The following LRP5 variants were observed in gnomAD, a reference collection of about 807,000 sequenced individuals.
LRP5 encodes the protein LDL receptor related protein 5, also known as low-density lipoprotein receptor-related protein 5.
LRP5 carries 62 observed loss-of-function variants against 154.1 expected under a neutral mutation model. That is an observed-to-expected ratio of 0.40 (90% CI 0.33 to 0.50). LRP5 has a LOEUF of 0.50. Among genes scored for constraint, LRP5 ranks in the 20% least tolerant of loss-of-function variants. LRP5 has a pLI of 0.55. For missense variants in LRP5, 1,915 were observed against 2,336.7 expected (o/e 0.82, Z 3.72); for synonymous variants, 966 against 1,011.5 (o/e 0.96, Z 0.85).
chr11:68,383,294 A>G (rs2153150924), intron 5 of LRP5, among the ~76,000 whole-genome samples: 1 of 152,258 alleles, frequency 6.6e-6, no homozygotes, highest in South Asian at 2.1e-4. Flanking sequence ...TGGGGCCATG[A>G]TGGACACACT....
chr11:68,315,256 C>T (rs1483857339), intron 1 of LRP5, among the ~76,000 whole-genome samples: 1 of 152,244 alleles, frequency 6.6e-6, no homozygotes, highest in East Asian at 1.9e-4. Context: ...CCTGGCAGAG[C>T]TGCAGTGAGC....
At chr11:68,439,206 G>T (rs1447816427) in intron 20 of LRP5, among the ~76,000 whole-genome samples, 1 of 152,208 alleles carries the variant, frequency 6.6e-6, no homozygotes, top group Non-Finnish European at 1.5e-5. Context: ...GGTGACCATG[G>T]TATGTCTAAG....
chr11:68,448,256 C>T (rs1166635409), intron 22 of LRP5, among the ~76,000 whole-genome samples: 1 of 152,206 alleles, frequency 6.6e-6, no homozygotes, highest in Non-Finnish European at 1.5e-5. Flanking sequence ...GTCCCTCCCA[C>T]AGCACGTGGG....
Position 68,374,700 on chromosome 11 carries a change from A to C in LRP5, c.1015+8998A>C, listed in dbSNP as rs575810166. Among the ~76,000 whole-genome samples the C allele has an allele frequency of 2.1e-4, 32 of 150,772 alleles. No individual in the cohort carries two copies. The South Asian group carries it at 6.1e-3, about 29-fold the overall frequency. On this transcript the variant is annotated intron_variant, in intron 5 of 22. Transcript: ENST00000294304. ...ATCCTCAACCCCCGCCCCCTCCACC[A>C]CTCTCCTGACTTCTATCACCTTGGA... is the stretch of plus-strand genomic sequence containing the variant.
chr11:68,312,951 C>A (rs895312475), intron 1 of LRP5, 146 bp downstream of exon 1: 119 of 260,792 alleles, frequency 4.6e-4, no homozygotes, highest in Non-Finnish European at 6.5e-4. Flanking sequence ...CGGGATCCCC[C>A]TGCCGTCCCC....
chr11:68,308,923 A>ATTTTT (rs34529621), upstream of LRP5, among the ~76,000 whole-genome samples: 8 of 74,482 alleles, frequency 1.1e-4, no homozygotes, highest in Non-Finnish European at 1.4e-4. Context: ...TAATCAGCTA[A>ATTTTT]TTTTTTTTTT....
At position 68,436,924 on chromosome 11, in the gene LRP5, G is replaced by T; in HGVS notation, c.4036G>T (p.Gly1346Cys). 1.2e-6 allele frequency: 2 copies of T among 1,613,892 alleles called. No homozygotes were observed. Among genetic ancestry groups the T allele is most frequent in the Non-Finnish European group, 1.7e-6 (2 of 1,179,960 alleles). The change falls in exon 19 of 23, where the codon GGC becomes TGC. Residue 1346 changes from glycine (G) to cysteine (C), a missense_variant. Physicochemically the swap from Gly to Cys is radical, Grantham distance 159. Coordinates refer to ENST00000294304, the MANE Select transcript of LRP5 (RefSeq NM_002335.4). Reference sequence around the variant, plus strand: ...GCCCAACCAGTTCCGGTGTGCGAGCGGCCAGTGTGTCCTCATCAAACAGCA... The same window carrying T: ...GCCCAACCAGTTCCGGTGTGCGAGCTGCCAGTGTGTCCTCATCAAACAGCA... The part of the protein sequence containing the change: ...CLPNQFRCAS[G>C]QCVLIKQQCD...
At chr11:68,345,589 C>T (rs2098612253) in intron 1 of LRP5, among the ~76,000 whole-genome samples, 1 of 152,160 alleles carries the variant, frequency 6.6e-6, no homozygotes, top group African/African-American at 2.4e-5. Context: ...GCCTGGCTGC[C>T]TCCATGTTTT....
At chr11:68,403,128 C>T (rs966931636) in intron 7 of LRP5, among the ~76,000 whole-genome samples, 8 of 152,046 alleles carry the variant, frequency 5.3e-5, no homozygotes, top group African/African-American at 1.9e-4. Context: ...ACCTGTAATC[C>T]GAGCTACTCG....
At chr11:68,421,932 A>T (rs2098666047) in intron 13 of LRP5, among the ~76,000 whole-genome samples, 1 of 151,402 alleles carries the variant, frequency 6.6e-6, no homozygotes, top group Non-Finnish European at 1.5e-5. Flanking sequence ...ACTTTGTTTT[A>T]TTTGTATTTT....
chr11:68,316,043 A>G (rs964541200), intron 1 of LRP5, among the ~76,000 whole-genome samples: 4 of 152,168 alleles, frequency 2.6e-5, no homozygotes, highest in Non-Finnish European at 4.4e-5. Context: ...TCAAGTTATA[A>G]GAGATTTCCA....
Position 68,315,932 on chromosome 11 carries a change from G to GT in LRP5, c.91+3137dup, listed in dbSNP as rs556834136. Among the ~76,000 whole-genome samples, 79 of 149,846 alleles carry GT rather than the reference G, an allele frequency of 5.3e-4. 1 individual carries two copies. Among genetic ancestry groups the GT allele is most frequent in the South Asian group, 3.2e-3 (15 of 4,732 alleles). On this transcript the variant is annotated intron_variant, in intron 1 of 22. Transcript: ENST00000294304. ...TTTCCTAGGTGAAAGGTGTCGAGTT[G>GT]TTTTTTTTTTAAATTGAGGTGAAAC...
intron 18 of LRP5, among the ~76,000 whole-genome samples, chr11:68,436,140 C>G (rs538568611): frequency 7.4e-4 from 112 of 152,356 alleles, no homozygotes; most frequent in Non-Finnish European, 1.2e-3. Flanking sequence ...CAGGCCCTTA[C>G]GCCGGTTCTG....
chr11:68,392,086 C>A (rs1591269102), intron 7 of LRP5, among the ~76,000 whole-genome samples: 1 of 152,044 alleles, frequency 6.6e-6, no homozygotes, highest in Non-Finnish European at 1.5e-5. Flanking sequence ...GAGGCACAAG[C>A]GATCCACCTG....
intron 3 of LRP5, among the ~76,000 whole-genome samples, chr11:68,360,996 CAAAAAAAAAAAAA>C (rs71043425): frequency 3.2e-4 from 5 of 15,746 alleles, no homozygotes; most frequent in East Asian, 4.4e-3. Flanking sequence ...GACTCTATCT[CAAAAAAAAAAAAA>C]AAAAAAAAAA....
In LRP5 at chr11:68,333,291, G is replaced by A. The variant is rs149159470; in HGVS notation, c.92-14556G>A. Among the ~76,000 whole-genome samples the A allele has an allele frequency of 2.9e-3, 438 of 152,310 alleles. 3 individuals carry two copies. In the Middle Eastern group the frequency reaches 0.068, roughly 24 times the overall value. On this transcript the variant is annotated intron_variant, in intron 1 of 22. Transcript: ENST00000294304. ...TTCTTCTACCTTAAGAAATTTCCAC[G>A]AGAAGCTAAGGTATGGTTTTGCCAA...
chr11:68,445,739 T>A, intron 21 of LRP5: 1 of 1,128,136 alleles, frequency 8.9e-7, no homozygotes, highest in Non-Finnish European at 1.2e-6. Flanking sequence ...CTTCCTCCCT[T>A]TGTAGGGCTG....
intron 2 of LRP5, among the ~76,000 whole-genome samples, chr11:68,352,426 TG>T (rs2098619467): frequency 1.3e-5 from 2 of 152,358 alleles, no homozygotes; most frequent in Admixed American, 6.5e-5. Flanking sequence ...ATAATAAAAA[TG>T]CCCTTTCCTC....
At chr11:68,310,107 G>A (rs1176633867), upstream of LRP5, among the ~76,000 whole-genome samples, 1 of 152,216 alleles carries the variant, frequency 6.6e-6, no homozygotes, top group Non-Finnish European at 1.5e-5. Flanking sequence ...TGAGTCAGGT[G>A]GTGATGAGTA....
Sources: gnomAD v4.1 joint callset for allele counts (sites outside exome capture counted in the v4.1 genomes callset) on GRCh38, gnomAD v4.1.1 for gene constraint, MANE v1.5 for transcripts, NCBI Gene and HGNC (gene_info 2026-07-23, HGNC 2026-07-21) for gene names.